IL1RAPL1: variants seen among roughly 807,000 people sequenced by gnomAD.
The protein encoded by IL1RAPL1 is interleukin-1 receptor accessory protein-like 1.
Under a neutral mutation model 48.4 loss-of-function variants are expected in IL1RAPL1, and 3 were observed. The ratio of observed to expected loss-of-function variants is 0.06; its 90% CI spans 0.03 to 0.16. The LOEUF (loss-of-function observed/expected upper bound fraction) is 0.16. Among genes scored for constraint, IL1RAPL1 ranks in the 10% least tolerant of loss-of-function variants. IL1RAPL1 has a pLI of 1.00. For missense variants in IL1RAPL1, 349 were observed against 530.6 expected (o/e 0.66, Z 3.36); for synonymous variants, 185 against 187.7 (o/e 0.99, Z 0.12).
chrX:29,191,784 C>T (rs1489321873), intron 2 of IL1RAPL1, among the ~76,000 whole-genome samples: 7 of 111,679 alleles, frequency 6.3e-5, no homozygotes, highest in Non-Finnish European at 1.1e-4. Flanking sequence ...GATAAAAGTA[C>T]CTCCATTTCA....
intron 2 of IL1RAPL1, among the ~76,000 whole-genome samples, chrX:28,934,536 T>G (rs1163164148): frequency 9.0e-6 from 1 of 111,306 alleles, no homozygotes; most frequent in African/African-American, 3.3e-5. Flanking sequence ...CCACTCATAT[T>G]GCTCCTAACC....
chrX:29,712,091 C>G (rs1307146685), intron 6 of IL1RAPL1, among the ~76,000 whole-genome samples: 2 of 86,001 alleles, frequency 2.3e-5, no homozygotes, highest in African/African-American at 7.4e-5. Context: ...TCCAAATTTT[C>G]TTCTTTTTTT....
At chrX:28,697,790 T>G (rs1026070501) in intron 1 of IL1RAPL1, among the ~76,000 whole-genome samples, 14 of 111,427 alleles carry the variant, frequency 1.3e-4, no homozygotes, top group Admixed American at 1.9e-4. Flanking sequence ...AAGCACAATC[T>G]TGAAATGGCC....
At chrX:29,596,528 G>C (rs1247386225) in intron 5 of IL1RAPL1, among the ~76,000 whole-genome samples, 2 of 111,717 alleles carry the variant, frequency 1.8e-5, no homozygotes, top group African/African-American at 6.5e-5. Context: ...TTGATTCTCA[G>C]CTTGGTCACT....
rs763228946 is a variant in IL1RAPL1 at position 29,366,841 on chromosome X, G to A, written c.363-29417G>A. On this transcript the variant is annotated intron_variant, in intron 3 of 10. Transcript: ENST00000378993. ...CTCGGCCTCCCAAAGTGCTGGGATT[G>A]CAGGCGTGAGCCACTGCGCCCGGCC... is the stretch of plus-strand genomic sequence containing the variant. Among the ~76,000 whole-genome samples, 176 of 110,851 alleles carry A rather than the reference G, an allele frequency of 1.6e-3. No homozygotes were observed. The Middle Eastern group carries it at 0.023, about 15-fold the overall frequency.
chrX:28,828,885 G>A (rs768730818), intron 2 of IL1RAPL1, among the ~76,000 whole-genome samples: 7 of 111,599 alleles, frequency 6.3e-5, no homozygotes, highest in Admixed American at 9.5e-5. Flanking sequence ...TGGCCAAAGC[G>A]ATGCTGAGAT....
At chrX:28,838,040 G>A (rs1190574254) in intron 2 of IL1RAPL1, among the ~76,000 whole-genome samples, 2 of 110,822 alleles carry the variant, frequency 1.8e-5, no homozygotes, top group African/African-American at 6.6e-5. Context: ...ATGGATTCAT[G>A]TGGTTAGCTC....
chrX:29,948,886 A>C (rs1187301807), intron 9 of IL1RAPL1, among the ~76,000 whole-genome samples: 1 of 110,876 alleles, frequency 9.0e-6, no homozygotes, highest in East Asian at 2.8e-4. Flanking sequence ...AAAACATTTG[A>C]CAACTATTCA....
intron 6 of IL1RAPL1, among the ~76,000 whole-genome samples, chrX:29,842,755 G>A: frequency 8.9e-6 from 1 of 112,138 alleles, no homozygotes; most frequent in African/African-American, 3.2e-5. Flanking sequence ...ACAGTGCAAC[G>A]GAGACTTCAG....
chrX:29,543,115 T>TTCTCTCTCTCTC (rs59836290), intron 5 of IL1RAPL1, among the ~76,000 whole-genome samples: 1,035 of 91,653 alleles, frequency 0.011, 20 homozygotes, highest in African/African-American at 0.037. Flanking sequence ...ATCTGTTCGT[T>TTCTCTCTCTCTC]TCTCTCTCTC....
intron 6 of IL1RAPL1, among the ~76,000 whole-genome samples, chrX:29,772,090 C>G (rs1031199348): frequency 1.8e-5 from 2 of 109,434 alleles, no homozygotes; most frequent in African/African-American, 6.7e-5. Flanking sequence ...AGCTACGATT[C>G]GAGATTTGGG....
At position 29,802,791 on chromosome X, in the gene IL1RAPL1, G is replaced by GTA. The variant is rs1195101220; in HGVS notation, c.779-114655_779-114654dup. 2.0e-3 allele frequency among the ~76,000 whole-genome samples: 69 copies of GTA among 34,078 alleles called. 1 individual carries two copies. Among genetic ancestry groups the GTA allele is most frequent in the South Asian group, 6.8e-3 (5 of 733 alleles). The allele number at this position is 34,078 out of a possible 115,157, so 29.6% of individuals were successfully genotyped here. The stretch of plus-strand genomic sequence containing the variant: ...TATATATATATATATATGTGTGTGT[G>GTA]TATATATATATATATATATGTGTGT... On this transcript the variant is annotated intron_variant, in intron 6 of 10. Transcript: ENST00000378993.
chrX:29,678,654 C>T (rs1311243739), intron 6 of IL1RAPL1, among the ~76,000 whole-genome samples: 1 of 109,658 alleles, frequency 9.1e-6, no homozygotes, highest in Non-Finnish European at 1.9e-5. Context: ...AGGCGTGAGC[C>T]ACCGCGCCCG....
In IL1RAPL1 at chrX:29,751,670, C is replaced by G. The variant is rs756925600; in HGVS notation, c.778+83166C>G. ...TGGACGCTGGGTGTGGTGGCCCAAA[C>G]CTATAATCCCAGTGTTTTGGGAGGC... On this transcript the variant is annotated intron_variant, in intron 6 of 10. Coordinates refer to ENST00000378993, the MANE Select transcript of IL1RAPL1 (RefSeq NM_014271.4). 1.4e-4 allele frequency among the ~76,000 whole-genome samples: 16 copies of G among 111,157 alleles called. No homozygotes were observed. The South Asian group carries it at 5.7e-3, about 40-fold the overall frequency.
At chrX:29,450,682 A>T (rs1428892573) in intron 5 of IL1RAPL1, among the ~76,000 whole-genome samples, 2 of 111,814 alleles carry the variant, frequency 1.8e-5, no homozygotes, top group African/African-American at 6.5e-5. Context: ...AAAAATTTGA[A>T]AATTCATATA....
At chrX:28,732,793 C>G (rs779574269) in intron 1 of IL1RAPL1, among the ~76,000 whole-genome samples, 3 of 110,948 alleles carry the variant, frequency 2.7e-5, no homozygotes, top group African/African-American at 9.8e-5. Flanking sequence ...TGCTTGAACC[C>G]GGGAGGCAGA....
chrX:28,882,658 CA>C (rs759815692), intron 2 of IL1RAPL1, among the ~76,000 whole-genome samples: 1 of 109,566 alleles, frequency 9.1e-6, no homozygotes, highest in African/African-American at 3.3e-5. Flanking sequence ...CCCGCCACTG[CA>C]AAAAAAAGGA....
At chrX:28,963,478 G>T (rs1569209213) in intron 2 of IL1RAPL1, among the ~76,000 whole-genome samples, 3 of 110,534 alleles carry the variant, frequency 2.7e-5, no homozygotes, top group African/African-American at 9.8e-5. Flanking sequence ...TTAATACATA[G>T]AAATTAATAA....
intron 2 of IL1RAPL1, among the ~76,000 whole-genome samples, chrX:29,200,454 G>T (rs1423115640): frequency 8.9e-6 from 1 of 111,795 alleles, no homozygotes; most frequent in Non-Finnish European, 1.9e-5. Flanking sequence ...GTGTTATTTG[G>T]CATCTTTGAA....
Sources: allele counts gnomAD v4.1 joint callset (sites outside exome capture counted in the v4.1 genomes callset), GRCh38; gene constraint gnomAD v4.1.1; transcripts MANE v1.5; gene names NCBI Gene and HGNC (gene_info 2026-07-23, HGNC 2026-07-21).